The following KLHL2 variants were observed in gnomAD, a reference collection of about 807,000 sequenced individuals.
KLHL2 encodes kelch like family member 2, also known as kelch-like protein 2.
A neutral mutation model predicts 75.8 loss-of-function variants in KLHL2; 15 were observed. That is an observed-to-expected ratio of 0.20 (90% CI 0.13 to 0.30). KLHL2 has a LOEUF of 0.30. Among genes scored for constraint, KLHL2 ranks in the 10% least tolerant of loss-of-function variants. The pLI is 1.00. For missense variants in KLHL2, 381 were observed against 741.0 expected, an observed-to-expected ratio of 0.51 and a Z score of 5.64; for synonymous variants, 214 against 251.9, an observed-to-expected ratio of 0.85 and a Z score of 1.42.
In KLHL2 at chr4:165,296,904, C is replaced by T. The variant is rs369306099; in HGVS notation, c.655-705C>T. Among the ~76,000 whole-genome samples, 298 of 151,750 alleles carry T rather than the reference C, an allele frequency of 2.0e-3. 1 individual carries two copies. The highest frequency in any genetic ancestry group is 3.3e-3 in the South Asian group (16 of 4,806). On this transcript the variant is annotated intron_variant, in intron 6 of 14. Coordinates refer to ENST00000226725, the MANE Select transcript of KLHL2 (RefSeq NM_007246.4). The stretch of plus-strand genomic sequence containing the variant: ...AACTTTGCAAAATGTTTTACTACCT[C>T]CATTCTGTTCATTCTTGTTATTTAT...
chr4:165,239,870 A>G (rs541732637), intron 4 of KLHL2, among the ~76,000 whole-genome samples: 1 of 152,042 alleles, frequency 6.6e-6, no homozygotes, highest in Non-Finnish European at 1.5e-5. Context: ...AAACGTACAC[A>G]CAATTTTTTT....
chr4:165,247,720 G>A (rs1740378412), intron 4 of KLHL2, among the ~76,000 whole-genome samples: 1 of 152,182 alleles, frequency 6.6e-6, no homozygotes, highest in African/African-American at 2.4e-5. Flanking sequence ...AATTATAAAG[G>A]CTGTGGCAAG....
chr4:165,244,202 C>T (rs992910766), intron 4 of KLHL2, among the ~76,000 whole-genome samples: 1 of 152,168 alleles, frequency 6.6e-6, no homozygotes, highest in Non-Finnish European at 1.5e-5. Context: ...TTGATCAAGC[C>T]ACTCCAAAGC....
At chr4:165,264,711 T>TATATATACAC (rs1742041648) in intron 5 of KLHL2, among the ~76,000 whole-genome samples, 2 of 81,252 alleles carry the variant, frequency 2.5e-5, no homozygotes, top group South Asian at 3.8e-4. Context: ...TGTGTATATA[T>TATATATACAC]ATATATATAC....
At chr4:165,321,359 C>G (rs1417766777) in intron 14 of KLHL2, 1 of 454,398 alleles carries the variant, frequency 2.2e-6, no homozygotes, top group Admixed American at 2.4e-5. Context: ...TGATGATCCA[C>G]TTCCCCTTAA....
At chr4:165,219,878 C>T in intron 1 of KLHL2, 56 bp from the exon 2 acceptor site, 1 of 1,510,236 alleles carries the variant, frequency 6.6e-7, no homozygotes. Flanking sequence ...ATAAGCTGAA[C>T]TAAATGATCT....
chr4:165,241,326 T>G (rs566735367), intron 4 of KLHL2, among the ~76,000 whole-genome samples: 14 of 152,330 alleles, frequency 9.2e-5, no homozygotes, highest in African/African-American at 3.1e-4. Context: ...AGACTCCTAT[T>G]TCCTGCTTTG....
intron 5 of KLHL2, among the ~76,000 whole-genome samples, chr4:165,275,424 T>A (rs919053897): frequency 9.9e-5 from 15 of 152,210 alleles, no homozygotes; most frequent in Non-Finnish European, 1.9e-4. Flanking sequence ...TGGATTTTAA[T>A]TATAACTTGA....
At chr4:165,210,122 G>T in intron 1 of KLHL2, 10 of 1,551,644 alleles carry the variant, frequency 6.4e-6, no homozygotes, top group Non-Finnish European at 8.7e-6. Context: ...AAAGAAAGAT[G>T]ACCTGGACTT....
chr4:165,221,957 T>C (rs1738030180), intron 2 of KLHL2, among the ~76,000 whole-genome samples: 1 of 152,196 alleles, frequency 6.6e-6, no homozygotes, highest in Admixed American at 6.5e-5. Flanking sequence ...GACTGGGATC[T>C]TTAATGGCTC....
intron 4 of KLHL2, among the ~76,000 whole-genome samples, chr4:165,241,087 A>G (rs920764994): frequency 5.9e-5 from 9 of 152,214 alleles, no homozygotes; most frequent in African/African-American, 1.9e-4. Context: ...GGCTTATTAA[A>G]TGCTTAACAT....
At chr4:165,231,141 T>C (rs1377602458) in intron 3 of KLHL2, among the ~76,000 whole-genome samples, 1 of 152,214 alleles carries the variant, frequency 6.6e-6, no homozygotes, top group Non-Finnish European at 1.5e-5. Flanking sequence ...TTGAGGCATA[T>C]TTTATATATC....
intron 5 of KLHL2, among the ~76,000 whole-genome samples, chr4:165,286,961 T>C (rs546019717): frequency 1.3e-5 from 2 of 152,342 alleles, no homozygotes; most frequent in Admixed American, 1.3e-4. Flanking sequence ...TCATCACCAG[T>C]GTTTTCAAAT....
chr4:165,297,971 A>T (rs1745043479), intron 7 of KLHL2, among the ~76,000 whole-genome samples: 2 of 142,306 alleles, frequency 1.4e-5, no homozygotes, highest in African/African-American at 5.0e-5. Flanking sequence ...CTACAGGTGC[A>T]TGCTACAACC....
intron 8 of KLHL2, among the ~76,000 whole-genome samples, chr4:165,300,486 A>G (rs1745265394): frequency 6.6e-6 from 1 of 152,268 alleles, no homozygotes; most frequent in East Asian, 1.9e-4. Context: ...CCATTTCAGC[A>G]TACATTCCCA....
Position 165,207,842 on chromosome 4 carries a change from C to A in KLHL2, c.-35C>A, listed in dbSNP as rs530377254. 9 of 1,445,198 alleles carry A rather than the reference C, an allele frequency of 6.2e-6. No individual in the cohort carries two copies. The highest frequency in any genetic ancestry group is 4.4e-4 in the Middle Eastern group (2 of 4,590). The allele number at this position is 1,445,198 out of a possible 1,614,324, so 89.5% of individuals were successfully genotyped here. ...CTGGAATGGTGCTGGCTGTGTTGGT[C>A]GGTGCCTGCGTTCTGAAGCCCGAGA... On this transcript the variant is annotated 5_prime_UTR_variant, in exon 1 of 15. It introduces an in-frame stop codon into an upstream open reading frame of the 5' UTR. Coordinates refer to ENST00000226725, the MANE Select transcript of KLHL2 (RefSeq NM_007246.4). This position sits in a 1 kb window ranked among gnomAD's most constrained non-coding sequence, Gnocchi z 4.2.
At chr4:165,224,784 A>G (rs950764466) in intron 2 of KLHL2, among the ~76,000 whole-genome samples, 2 of 152,252 alleles carry the variant, frequency 1.3e-5, no homozygotes, top group Non-Finnish European at 2.9e-5. Context: ...TTTATAATGT[A>G]TAATAATCAC....
rs533469513 is a variant in KLHL2 at position 165,250,138 on chromosome 4, T to C, written c.381+11239T>C. ...GACTCCGTCTCAAAAAAAAAAAAAA[T>C]AGTTTGTTCTGACAGAGACTATCAC... On this transcript the variant is annotated intron_variant, in intron 4 of 14. Transcript: ENST00000226725. Among the ~76,000 whole-genome samples, 395 of 145,140 alleles carry C rather than the reference T, an allele frequency of 2.7e-3. 4 individuals carry two copies. Among genetic ancestry groups the C allele is most frequent in the African/African-American group, 9.1e-3 (354 of 39,088 alleles).
At chr4:165,257,173 T>C (rs1741244490) in intron 4 of KLHL2, among the ~76,000 whole-genome samples, 1 of 152,358 alleles carries the variant, frequency 6.6e-6, no homozygotes, top group South Asian at 2.1e-4. Context: ...GCAAGGCTTA[T>C]GTGCAGTTCA....
Sources: gnomAD v4.1 joint callset for allele counts (sites outside exome capture counted in the v4.1 genomes callset) on GRCh38, gnomAD v4.1.1 for gene constraint, Gnocchi (gnomAD v3.1) non-coding constraint, MANE v1.5 for transcripts, NCBI Gene and HGNC (gene_info 2026-07-23, HGNC 2026-07-21) for gene names.